The following WDR59 variants were observed in gnomAD, a reference collection of about 807,000 sequenced individuals.
The protein encoded by WDR59 is WD repeat domain 59.
A neutral mutation model predicts 131.2 loss-of-function variants in WDR59; 100 were observed. The observed-to-expected ratio is 0.76, with a 90% confidence interval of 0.65 to 0.90. The LOEUF (loss-of-function observed/expected upper bound fraction) is 0.90, where lower values mean the gene tolerates loss of function less well. WDR59 is among the 40% of genes least tolerant of loss of function. The pLI is 0.00. For missense variants in WDR59, 1,203 were observed against 1,262.2 expected (o/e 0.95, Z 0.71); for synonymous variants, 601 against 466.2 (o/e 1.29, Z -3.72).
intron 13 of WDR59, among the ~76,000 whole-genome samples, chr16:74,914,025 G>C (rs56980203): frequency 2.6e-5 from 4 of 152,032 alleles, no homozygotes. Context: ...TGGCCAACAT[G>C]GCAAAAACCC....
intron 8 of WDR59, among the ~76,000 whole-genome samples, chr16:74,926,216 C>T (rs1336323379): frequency 1.3e-5 from 2 of 151,916 alleles, no homozygotes; most frequent in African/African-American, 2.4e-5. Flanking sequence ...CGCACCACCA[C>T]GCCTGGCTAA....
intron 8 of WDR59, chr16:74,930,941 T>A (rs2031334046): frequency 6.9e-6 from 1 of 144,160 alleles, no homozygotes; most frequent in Non-Finnish European, 1.5e-5. Context: ...AGAAAAAAGT[T>A]CAGGTAATGT....
At chr16:74,940,622 A>G (rs367929416) in intron 7 of WDR59, among the ~76,000 whole-genome samples, 1 of 152,170 alleles carries the variant, frequency 6.6e-6, no homozygotes, top group South Asian at 2.1e-4. Context: ...TTGACACTAC[A>G]AAGTGCCAGA....
chr16:74,887,141 G>A (rs900057800), intron 23 of WDR59, among the ~76,000 whole-genome samples: 2 of 152,150 alleles, frequency 1.3e-5, no homozygotes, highest in African/African-American at 4.8e-5. Context: ...CTAGGTGGGA[G>A]ATCAATAATT....
At chr16:74,928,528 G>C (rs2031081031) in intron 8 of WDR59, among the ~76,000 whole-genome samples, 1 of 151,714 alleles carries the variant, frequency 6.6e-6, no homozygotes, top group Non-Finnish European at 1.5e-5. Context: ...TTTTTTCCCT[G>C]TTCTTGTAAG....
At chr16:74,893,555 G>C in intron 19 of WDR59, 124 bp downstream of exon 19, 2 of 1,023,218 alleles carry the variant, frequency 2.0e-6, no homozygotes, top group Non-Finnish European at 2.8e-6. Flanking sequence ...GCAACAGAAA[G>C]CTAATACATT....
chr16:74,938,554 T>C (rs1161432748), intron 7 of WDR59, among the ~76,000 whole-genome samples: 1 of 152,198 alleles, frequency 6.6e-6, no homozygotes, highest in African/African-American at 2.4e-5. Flanking sequence ...TTTTGTTTTT[T>C]GAGACGAAGT....
intron 1 of WDR59, among the ~76,000 whole-genome samples, chr16:74,977,231 T>C (rs8049993): frequency 0.97 from 147,503 of 151,660 alleles, 71,857 homozygotes; most frequent in East Asian, 1. Context: ...AACAGCGAGA[T>C]CGCATCTCAA....
chr16:74,917,223 G>GA (rs1441301409), intron 11 of WDR59, among the ~76,000 whole-genome samples: 2 of 152,154 alleles, frequency 1.3e-5, no homozygotes, highest in Non-Finnish European at 2.9e-5. Context: ...CATTTATCGG[G>GA]AAAAAATTAC....
chr16:74,939,486 T>C (rs1309203208), intron 7 of WDR59, among the ~76,000 whole-genome samples: 1 of 151,840 alleles, frequency 6.6e-6, no homozygotes, highest in Non-Finnish European at 1.5e-5. Context: ...GCATCTGTTC[T>C]AATGTTAAAT....
chr16:74,898,359 A>G (rs1190314908), intron 18 of WDR59, among the ~76,000 whole-genome samples: 1 of 152,194 alleles, frequency 6.6e-6, no homozygotes. Flanking sequence ...TGGGAGGAAA[A>G]GGATTTGATC....
chr16:74,976,411 T>G (rs993165059), intron 1 of WDR59, among the ~76,000 whole-genome samples: 1 of 151,922 alleles, frequency 6.6e-6, no homozygotes, highest in Non-Finnish European at 1.5e-5. Flanking sequence ...TTTATGAATC[T>G]AGGATACGAA....
At chr16:74,922,132 T>C in intron 9 of WDR59, 29 bp from the exon 10 acceptor site, 1 of 1,612,870 alleles carries the variant, frequency 6.2e-7, no homozygotes, top group Non-Finnish European at 8.5e-7. Flanking sequence ...AAGCAGGTGA[T>C]TAGATTATTT....
chr16:74,981,647 TATA>T lies in WDR59; in HGVS notation c.54+3314_54+3316del, dbSNP rs2034424688. ...ATATATATATATATATATATATATATATATATATATATATTTTTTTTTTTTTTA... is the reference window on the plus strand; with the variant it reads ...ATATATATATATATATATATATATATTATATATATATTTTTTTTTTTTTTA... On this transcript the variant is annotated intron_variant, in intron 1 of 25. Transcript: ENST00000262144. 4.1e-3 allele frequency among the ~76,000 whole-genome samples: 31 copies of T among 7,506 alleles called. 1 individual carries two copies. The highest frequency in any genetic ancestry group is 0.013 in the South Asian group (2 of 158). The allele number at this position is 7,506 out of a possible 152,430, so 4.9% of individuals were successfully genotyped here.
chr16:74,971,337 CA>C (rs1311240106), intron 1 of WDR59, among the ~76,000 whole-genome samples: 1 of 145,950 alleles, frequency 6.9e-6, no homozygotes, highest in Non-Finnish European at 1.5e-5. Context: ...ACAGTGGTCC[CA>C]AAAAAAAGAG....
intron 1 of WDR59, among the ~76,000 whole-genome samples, chr16:74,970,887 T>C (rs2033956171): frequency 6.7e-6 from 1 of 149,696 alleles, no homozygotes; most frequent in South Asian, 2.1e-4. Context: ...ACCACACCTT[T>C]TAAAAAAAAA....
chr16:74,895,947 G>A (rs890717384), intron 18 of WDR59, among the ~76,000 whole-genome samples: 1 of 152,144 alleles, frequency 6.6e-6, no homozygotes, highest in Non-Finnish European at 1.5e-5. Flanking sequence ...GGGGCTTAAC[G>A]AGAACAGGGA....
At chr16:74,882,495 G>C (rs1244503754) in intron 25 of WDR59, among the ~76,000 whole-genome samples, 3 of 152,132 alleles carry the variant, frequency 2.0e-5, no homozygotes, top group African/African-American at 7.2e-5. Context: ...CACTCTGGGA[G>C]GCCGAGGCAG....
At chr16:74,907,065 CT>C (rs1228217152) in intron 17 of WDR59, among the ~76,000 whole-genome samples, 2 of 152,188 alleles carry the variant, frequency 1.3e-5, no homozygotes, top group Non-Finnish European at 2.9e-5. Context: ...CTGTTTTCTA[CT>C]CCAATAAGGA....
Sources: allele counts gnomAD v4.1 joint callset (sites outside exome capture counted in the v4.1 genomes callset), GRCh38; gene constraint gnomAD v4.1.1; transcripts MANE v1.5; gene names NCBI Gene and HGNC (gene_info 2026-07-23, HGNC 2026-07-21).